Variants in PTPRD observed in about 807,000 individuals in gnomAD.
The protein encoded by PTPRD is receptor-type tyrosine-protein phosphatase delta.
A neutral mutation model predicts 214.5 loss-of-function variants in PTPRD; 34 were observed. The observed-to-expected ratio is 0.16, with a 90% confidence interval of 0.12 to 0.21. The LOEUF is 0.21. Among genes scored for constraint, PTPRD ranks in the 10% least tolerant of loss-of-function variants. PTPRD has a pLI of 1.00. For synonymous variants in PTPRD, 1,128 were observed against 845.7 expected, an observed-to-expected ratio of 1.33 and a Z score of -5.79; for missense variants, 2,545 against 2,398.7, an observed-to-expected ratio of 1.06 and a Z score of -1.27.
chr9:8,995,120 G>C (rs777363356), intron 11 of PTPRD, among the ~76,000 whole-genome samples: 46 of 148,468 alleles, frequency 3.1e-4, no homozygotes, highest in Non-Finnish European at 6.1e-4. Context: ...AAATTTATTA[G>C]ATATATAACT....
chr9:8,785,411 A>G (rs2154498335), intron 11 of PTPRD, among the ~76,000 whole-genome samples: 1 of 150,700 alleles, frequency 6.6e-6, no homozygotes, highest in Non-Finnish European at 1.5e-5. Flanking sequence ...CCTTTTCAGT[A>G]AATTCACATA....
intron 3 of PTPRD, among the ~76,000 whole-genome samples, chr9:10,108,193 T>G (rs559405468): frequency 1.3e-5 from 2 of 152,228 alleles, no homozygotes; most frequent in African/African-American, 4.8e-5. Flanking sequence ...TTTTTTAAAT[T>G]GAAGAATAAA....
intron 9 of PTPRD, among the ~76,000 whole-genome samples, chr9:9,186,384 A>T (rs1029507620): frequency 1.1e-4 from 16 of 152,096 alleles, no homozygotes; most frequent in Admixed American, 2.6e-4. Flanking sequence ...CTGACCAGAT[A>T]CAGTTTCTAG....
At chr9:8,951,138 A>AGAGTGTGTGT (rs1555583270) in intron 11 of PTPRD, among the ~76,000 whole-genome samples, 1 of 147,124 alleles carries the variant, frequency 6.8e-6, no homozygotes, top group Admixed American at 6.9e-5. Context: ...TAGGAAAAAG[A>AGAGTGTGTGT]GTGTGTGTGT....
chr9:9,688,980 C>G (rs1261372234), intron 7 of PTPRD, among the ~76,000 whole-genome samples: 1 of 151,672 alleles, frequency 6.6e-6, no homozygotes. Flanking sequence ...TACATATAAA[C>G]AGACTCCAGC....
Position 10,245,137 on chromosome 9 carries a change from T to A in PTPRD, c.-545+95826A>T, listed in dbSNP as rs182986829. Among the ~76,000 whole-genome samples the A allele has an allele frequency of 1.6e-4, 24 of 152,248 alleles. No individual in the cohort carries two copies. In the East Asian group the frequency reaches 2.5e-3, roughly 16 times the overall value. ...ATTTTACCCTAAACATAGTGAAAAA[T>A]GAAATTAAATTTCATCATCACTCAG... On this transcript the variant is annotated intron_variant, in intron 3 of 45. Transcript: ENST00000381196.
intron 14 of PTPRD, among the ~76,000 whole-genome samples, chr9:8,560,927 TA>T (rs57799552): frequency 0.33 from 46,252 of 140,856 alleles, 11,665 homozygotes; most frequent in African/African-American, 0.72. Context: ...GGCATTCCTT[TA>T]AAAAAAAAAA....
At position 9,609,962 on chromosome 9, in the gene PTPRD, G is replaced by A. The variant is rs190386423; in HGVS notation, c.-286-35181C>T. On this transcript the variant is annotated intron_variant, in intron 7 of 45. Coordinates refer to ENST00000381196, the MANE Select transcript of PTPRD (RefSeq NM_002839.4). ...GCAAAATTATGTGAAGATGAATATCGGCGGCCCCTTCTACTCATGGCATAT... is the reference window on the plus strand; with the variant it reads ...GCAAAATTATGTGAAGATGAATATCAGCGGCCCCTTCTACTCATGGCATAT... Among the ~76,000 whole-genome samples the A allele has an allele frequency of 2.0e-3, 303 of 152,136 alleles. 1 individual carries two copies. The highest frequency in any genetic ancestry group is 7.0e-3 in the African/African-American group (291 of 41,508).
chr9:10,507,959 T>G (rs1293205658), intron 2 of PTPRD, among the ~76,000 whole-genome samples: 1 of 152,108 alleles, frequency 6.6e-6, no homozygotes, highest in African/African-American at 2.4e-5. Context: ...GGGATCTAAT[T>G]AAACTAAAGA....
At chr9:9,191,379 C>T (rs181218136) in intron 9 of PTPRD, among the ~76,000 whole-genome samples, 31 of 151,822 alleles carry the variant, frequency 2.0e-4, no homozygotes, top group Non-Finnish European at 4.1e-4. Context: ...CTTGAAATGA[C>T]CCCAGTCCTG....
intron 5 of PTPRD, among the ~76,000 whole-genome samples, chr9:9,780,323 G>A (rs1270557548): frequency 6.6e-6 from 1 of 152,052 alleles, no homozygotes; most frequent in Admixed American, 6.6e-5. Flanking sequence ...TACTACCTGA[G>A]TGCAATATAC....
intron 7 of PTPRD, among the ~76,000 whole-genome samples, chr9:9,621,425 T>C (rs1382601591): frequency 6.6e-6 from 1 of 152,190 alleles, no homozygotes. Flanking sequence ...TATCAATAAA[T>C]ATGTTTGATG....
At chr9:9,351,873 C>T (rs2051316764) in intron 9 of PTPRD, among the ~76,000 whole-genome samples, 1 of 151,990 alleles carries the variant, frequency 6.6e-6, no homozygotes, top group South Asian at 2.1e-4. Flanking sequence ...TTGGAGATAA[C>T]ATGAATATCC....
intron 14 of PTPRD, among the ~76,000 whole-genome samples, chr9:8,599,736 C>G (rs1227312163): frequency 1.3e-5 from 2 of 151,350 alleles, no homozygotes; most frequent in East Asian, 3.9e-4. Flanking sequence ...CCTGCTTCAG[C>G]CTCCTTGAGT....
At chr9:8,516,264 A>G (rs1388259840) in intron 21 of PTPRD, among the ~76,000 whole-genome samples, 1 of 152,194 alleles carries the variant, frequency 6.6e-6, no homozygotes, top group Non-Finnish European at 1.5e-5. Flanking sequence ...TCTGCATATT[A>G]CTACAGCAAA....
At chr9:9,014,734 C>A (rs2099527289) in intron 11 of PTPRD, among the ~76,000 whole-genome samples, 1 of 152,084 alleles carries the variant, frequency 6.6e-6, no homozygotes, top group Non-Finnish European at 1.5e-5. Context: ...TTTCTAAACA[C>A]ATTGAGCCTC....
At chr9:8,908,844 AG>A (rs1180268762) in intron 11 of PTPRD, among the ~76,000 whole-genome samples, 2 of 151,460 alleles carry the variant, frequency 1.3e-5, no homozygotes, top group Non-Finnish European at 3.0e-5. Context: ...CAAGAATAAA[AG>A]GGAGAAAGTA....
intron 5 of PTPRD, among the ~76,000 whole-genome samples, chr9:9,925,005 G>C (rs903314296): frequency 6.6e-6 from 1 of 152,000 alleles, no homozygotes; most frequent in East Asian, 1.9e-4. Context: ...TTTCTAAATA[G>C]TCAATACCGA....
At chr9:10,468,285 T>C (rs965680877) in intron 2 of PTPRD, among the ~76,000 whole-genome samples, 1 of 151,060 alleles carries the variant, frequency 6.6e-6, no homozygotes, top group Admixed American at 6.6e-5. Flanking sequence ...ATAAAGACAA[T>C]GTGGCACATC....
Sources: gnomAD v4.1 joint callset for allele counts (sites outside exome capture counted in the v4.1 genomes callset) on GRCh38, gnomAD v4.1.1 for gene constraint, MANE v1.5 for transcripts, NCBI Gene and HGNC (gene_info 2026-07-23, HGNC 2026-07-21) for gene names.